Variants in MBTPS1 observed in about 807,000 individuals in gnomAD.
The protein encoded by MBTPS1 is membrane bound transcription factor peptidase, site 1, also known as membrane-bound transcription factor site-1 protease.
Under a neutral mutation model 127.8 loss-of-function variants are expected in MBTPS1, and 94 were observed. The observed-to-expected ratio is 0.74, with a 90% CI of 0.62 to 0.87. The LOEUF is 0.87. MBTPS1 is among the 40% of genes least tolerant of loss of function. The probability of loss-of-function intolerance (pLI) is 0.00; values close to 1 mark genes in which losing one functional copy is unlikely to be tolerated. For synonymous variants in MBTPS1, 632 were observed against 509.4 expected (o/e 1.24, Z -3.24); for missense variants, 1,636 against 1,353.2 (o/e 1.21, Z -3.28).
chr16:84,081,916 A>G lies in MBTPS1; in HGVS notation c.1287-8T>C. On this transcript the variant is annotated splice_region_variant and splice_polypyrimidine_tract_variant and intron_variant, in intron 10 of 22. Transcript: ENST00000343411. Reference sequence around the variant, plus strand: ...TCACGCTTCTGGACTGTGCTGGAGGAAAAATCAAGAATTGCCTATTTTCTC... The same window carrying G: ...TCACGCTTCTGGACTGTGCTGGAGGGAAAATCAAGAATTGCCTATTTTCTC... 2 of 1,378,090 alleles carry G rather than the reference A, an allele frequency of 1.5e-6. No individual in the cohort carries two copies. Among genetic ancestry groups the G allele is most frequent in the South Asian group, 1.9e-5 (1 of 52,626 alleles). The allele number at this position is 1,378,090 out of a possible 1,614,324, so 85.4% of individuals were successfully genotyped here.
chr16:84,085,580 C>CG (rs2086009898), intron 9 of MBTPS1, among the ~76,000 whole-genome samples: 1 of 104,690 alleles, frequency 9.6e-6, no homozygotes, highest in Non-Finnish European at 2.1e-5. Context: ...CGCCCCCCCC[C>CG]CAAAAAAAAA....
chr16:84,090,116 A>G (rs529008348), intron 8 of MBTPS1, among the ~76,000 whole-genome samples: 1 of 152,310 alleles, frequency 6.6e-6, no homozygotes, highest in South Asian at 2.1e-4. Flanking sequence ...TGAACTTCAC[A>G]TAGCTTCACC....
At chr16:84,072,894 T>C (rs2085793275) in intron 12 of MBTPS1, among the ~76,000 whole-genome samples, 1 of 152,212 alleles carries the variant, frequency 6.6e-6, no homozygotes, top group Admixed American at 6.5e-5. Context: ...CAGAATTTGG[T>C]AGGATGTGCC....
chr16:84,054,774 A>G, intron 22 of MBTPS1, 129 bp from the exon 23 acceptor site: 2 of 669,436 alleles, frequency 3.0e-6, no homozygotes, highest in Non-Finnish European at 4.8e-6. Context: ...TGCAGGGCAT[A>G]CATCATTTTT....
At chr16:84,059,649 G>C (rs575632407) in intron 20 of MBTPS1, 1 of 435,672 alleles carries the variant, frequency 2.3e-6, no homozygotes, top group East Asian at 4.1e-5. Context: ...GAGAAAATCA[G>C]AACCGTTCCC....
chr16:84,113,391 C>G (rs1183452845), intron 1 of MBTPS1, among the ~76,000 whole-genome samples: 3 of 152,146 alleles, frequency 2.0e-5, no homozygotes, highest in Non-Finnish European at 4.4e-5. Flanking sequence ...ATGATTACAC[C>G]TCTAATACAC....
chr16:84,101,396 C>A (rs1427029253), intron 2 of MBTPS1, among the ~76,000 whole-genome samples: 1 of 151,412 alleles, frequency 6.6e-6, no homozygotes, highest in East Asian at 1.9e-4. Context: ...GAGGCTGAGG[C>A]ATGAGAATTG....
At chr16:84,071,021 A>AT (rs557283165) in intron 12 of MBTPS1, among the ~76,000 whole-genome samples, 4 of 152,226 alleles carry the variant, frequency 2.6e-5, no homozygotes, top group South Asian at 2.1e-4. Context: ...TTATGGAGAC[A>AT]TTTTTTTTCT....
At chr16:84,109,991 T>C (rs1597356519) in intron 1 of MBTPS1, among the ~76,000 whole-genome samples, 1 of 152,206 alleles carries the variant, frequency 6.6e-6, no homozygotes, top group Non-Finnish European at 1.5e-5. Flanking sequence ...TTTCATACTG[T>C]TCGTGCAACC....
chr16:84,072,432 G>A (rs2085783986), intron 12 of MBTPS1, among the ~76,000 whole-genome samples: 2 of 152,210 alleles, frequency 1.3e-5, no homozygotes, highest in African/African-American at 2.4e-5. Context: ...ACCTAAAAGG[G>A]TGAATTTCAC....
chr16:84,091,807 G>A lies in MBTPS1; in HGVS notation c.888C>T (p.Ala296=). ...TSWFLDAFNY[A]ILKKIDVLNL... is the part of the protein sequence containing the mutation. ...TTAACACGTCGATCTTCTTTAAAAT[G>A]GCATAGTTGAAGGCGTCCAAAAACC... Residue 296 remains alanine, a synonymous_variant, in exon 7 of 23, where the codon GCC becomes GCT. Transcript: ENST00000343411. The A allele has an allele frequency of 1.9e-6, 3 of 1,614,064 alleles. No individual in the cohort carries two copies. Among genetic ancestry groups the A allele is most frequent in the Non-Finnish European group, 2.5e-6 (3 of 1,179,926 alleles).
intron 1 of MBTPS1, among the ~76,000 whole-genome samples, chr16:84,105,394 G>C (rs2086309371): frequency 6.6e-6 from 1 of 152,182 alleles, no homozygotes; most frequent in Admixed American, 6.5e-5. Context: ...AAATGAAAAT[G>C]TGAAAGGAGA....
Position 84,056,009 on chromosome 16 carries a change from A to C in MBTPS1, c.2958T>G (p.Pro986=), listed in dbSNP as rs1176447504. Residue 986 remains proline (P), a synonymous_variant, in exon 22 of 23, where the codon CCT becomes CCG. Transcript: ENST00000343411. The stretch of plus-strand genomic sequence containing the variant: ...ACAAAGCAGCCGAGAACTCACCTCC[A>C]GGAATGTCCCAGGCGCCGCTCTCTC... The part of the protein sequence containing the change: ...SPGESGAWDI[P]GGIMPGRYNQ... 1.6e-5 allele frequency: 25 copies of C among 1,611,884 alleles called. No individual in the cohort carries two copies. The highest frequency in any genetic ancestry group is 2.1e-5 in the Non-Finnish European group (25 of 1,178,832).
chr16:84,098,783 G>C (rs2086214052), intron 3 of MBTPS1, among the ~76,000 whole-genome samples: 1 of 152,062 alleles, frequency 6.6e-6, no homozygotes, highest in Admixed American at 6.6e-5. Flanking sequence ...CAGAAACAAA[G>C]ATCACTACCA....
At chr16:84,112,238 C>G (rs1179610495) in intron 1 of MBTPS1, among the ~76,000 whole-genome samples, 1 of 152,102 alleles carries the variant, frequency 6.6e-6, no homozygotes, top group East Asian at 1.9e-4. Context: ...CTGAAAGACA[C>G]ATACCAAAAT....
chr16:84,112,675 A>C (rs1447075932), intron 1 of MBTPS1, among the ~76,000 whole-genome samples: 4 of 149,930 alleles, frequency 2.7e-5, no homozygotes, highest in African/African-American at 9.8e-5. Flanking sequence ...AAAAACAAAA[A>C]AAAACAAAAA....
rs1016609224 is a variant in MBTPS1 at position 84,070,844 on chromosome 16, A to G, written c.1594-68T>C. 5.4e-6 allele frequency: 7 copies of G among 1,287,398 alleles called. No homozygotes were observed. In the African/African-American group the frequency reaches 1.0e-4, roughly 19 times the overall value. The allele number at this position is 1,287,398 out of a possible 1,614,324, so 79.7% of individuals were successfully genotyped here. A position where few individuals can be genotyped will look rare whatever the true frequency, so the allele number is the denominator to read the frequency against. On this transcript the variant is annotated intron_variant, in intron 12 of 22. Transcript: ENST00000343411. ...CCAGGAGAAAACACGTGGAAACCAG[A>G]AAAACTCAATTCTTACCAAAACTGG...
intron 19 of MBTPS1, 68 bp downstream of exon 19, chr16:84,063,237 T>C: frequency 6.4e-7 from 1 of 1,557,452 alleles, no homozygotes; most frequent in African/African-American, 1.4e-5. Flanking sequence ...CACGGGCGCC[T>C]TTCCAGAGAC....
chr16:84,093,507 G>A (rs1485265181), intron 5 of MBTPS1, among the ~76,000 whole-genome samples: 1 of 152,168 alleles, frequency 6.6e-6, no homozygotes, highest in Non-Finnish European at 1.5e-5. Context: ...ACAGGGAGCT[G>A]CCCCCACACC....
Sources: gnomAD v4.1 joint callset for allele counts (sites outside exome capture counted in the v4.1 genomes callset) on GRCh38, gnomAD v4.1.1 for gene constraint, MANE v1.5 for transcripts, NCBI Gene and HGNC (gene_info 2026-07-23, HGNC 2026-07-21) for gene names.